Variants in CUEDC1 observed in about 807,000 individuals in gnomAD.
CUEDC1 encodes the protein CUE domain containing 1, also known as CUE domain-containing protein 1.
Under a neutral mutation model 43.7 loss-of-function variants are expected in CUEDC1, and 30 were observed. The ratio of observed to expected loss-of-function variants is 0.69; its 90% CI spans 0.51 to 0.93. CUEDC1 has a LOEUF of 0.93. CUEDC1 is among the 40% of genes least tolerant of loss of function. CUEDC1 has a pLI of 0.00. For synonymous variants in CUEDC1, 223 were observed against 223.6 expected (o/e 1.00, Z 0.02); for missense variants, 486 against 549.0 (o/e 0.89, Z 1.15).
intron 1 of CUEDC1, among the ~76,000 whole-genome samples, chr17:57,893,349 A>ATGTGTGTGTGTGTGTGTG (rs147335365): frequency 1.5e-3 from 221 of 148,350 alleles, no homozygotes; most frequent in African/African-American, 5.3e-3. Context: ...CTCTCAGGGT[A>ATGTGTGTGTGTGTGTGTG]TGTGTGTGTG....
chr17:57,937,622 A>AAT (rs2074874697), intron 1 of CUEDC1, among the ~76,000 whole-genome samples: 1 of 151,434 alleles, frequency 6.6e-6, no homozygotes, highest in African/African-American at 2.4e-5. Flanking sequence ...AAAAAAAAAA[A>AAT]CAGAAAAAGA....
chr17:57,938,295 T>C (rs539029764), intron 1 of CUEDC1, among the ~76,000 whole-genome samples: 4 of 152,240 alleles, frequency 2.6e-5, no homozygotes, highest in Admixed American at 2.0e-4. Flanking sequence ...CTCTGGTTTA[T>C]GATGTCATGG....
At chr17:57,933,078 C>T (rs1195699430) in intron 1 of CUEDC1, among the ~76,000 whole-genome samples, 1 of 152,110 alleles carries the variant, frequency 6.6e-6, no homozygotes, top group African/African-American at 2.4e-5. Context: ...ACTTGTGAAC[C>T]ACTGCACTAG....
chr17:57,878,033 G>C (rs900158592), intron 3 of CUEDC1, among the ~76,000 whole-genome samples: 3 of 151,934 alleles, frequency 2.0e-5, no homozygotes, highest in Non-Finnish European at 4.4e-5. Context: ...GCCAGCTCCT[G>C]GTACCACTCG....
chr17:57,954,241 G>A lies in CUEDC1; in HGVS notation c.-316+984C>T, dbSNP rs1296977205. 6.6e-6 allele frequency among the ~76,000 whole-genome samples: 1 copy of A among 152,186 alleles called. No homozygotes were observed. The highest frequency in any genetic ancestry group is 1.9e-4 in the East Asian group (1 of 5,192). On this transcript the variant is annotated intron_variant, in intron 1 of 10. Coordinates refer to ENST00000577830, the MANE Select transcript of CUEDC1 (RefSeq NM_001271875.2). The surrounding 1 kb of genome is among the most constrained non-coding windows in gnomAD (Gnocchi z 4.3). The stretch of plus-strand genomic sequence containing the variant: ...GCTACAAGACGCTGACTGCGGATCA[G>A]GTGGGGAGCACGGTGGATGGTCTTC...
chr17:57,866,256 A>C (rs554392355), intron 10 of CUEDC1, among the ~76,000 whole-genome samples: 3 of 152,228 alleles, frequency 2.0e-5, no homozygotes, highest in African/African-American at 7.2e-5. Flanking sequence ...AGGTGTGCTC[A>C]TCTTTTGTCA....
chr17:57,878,998 T>C (rs1269613991), intron 3 of CUEDC1, among the ~76,000 whole-genome samples: 2 of 151,974 alleles, frequency 1.3e-5, no homozygotes, highest in Non-Finnish European at 2.9e-5. Flanking sequence ...AATTACAGAG[T>C]CTCTAACCTG....
intron 1 of CUEDC1, among the ~76,000 whole-genome samples, chr17:57,926,586 A>C (rs2074749545): frequency 6.6e-6 from 1 of 152,194 alleles, no homozygotes; most frequent in Non-Finnish European, 1.5e-5. Flanking sequence ...TGAGGCCAAG[A>C]GTTCAAGACC....
At chr17:57,927,578 G>C (rs2074761012) in intron 1 of CUEDC1, among the ~76,000 whole-genome samples, 1 of 152,158 alleles carries the variant, frequency 6.6e-6, no homozygotes, top group South Asian at 2.1e-4. Flanking sequence ...TTACTGAATA[G>C]GAGCAGCTGG....
intron 1 of CUEDC1, among the ~76,000 whole-genome samples, chr17:57,940,551 A>G (rs2074908302): frequency 6.6e-6 from 1 of 152,268 alleles, no homozygotes; most frequent in African/African-American, 2.4e-5. Flanking sequence ...GCACTGCCTG[A>G]CCTACAAGAC....
chr17:57,886,620 C>G (rs2074293216), intron 1 of CUEDC1, among the ~76,000 whole-genome samples: 1 of 152,156 alleles, frequency 6.6e-6, no homozygotes, highest in Non-Finnish European at 1.5e-5. Context: ...AAGCACCAGC[C>G]CAAAAGAGAG....
At chr17:57,895,676 G>A (rs766965892) in intron 1 of CUEDC1, among the ~76,000 whole-genome samples, 3 of 152,156 alleles carry the variant, frequency 2.0e-5, no homozygotes, top group African/African-American at 7.2e-5. Context: ...AAACCTCAGC[G>A]GATTAAGGGG....
chr17:57,882,583 A>G (rs2586047), intron 2 of CUEDC1, among the ~76,000 whole-genome samples: 87,578 of 151,846 alleles, frequency 0.58, 25,856 homozygotes, highest in East Asian at 0.99. Context: ...GTTGACTCTC[A>G]AATAACAAGA....
At chr17:57,864,136 T>C (rs1362246142) in intron 10 of CUEDC1, among the ~76,000 whole-genome samples, 1 of 151,970 alleles carries the variant, frequency 6.6e-6, no homozygotes, top group East Asian at 1.9e-4. Flanking sequence ...AGAACAGGGC[T>C]GTGACCTAGG....
At chr17:57,897,874 G>A (rs1303284400) in intron 1 of CUEDC1, among the ~76,000 whole-genome samples, 8 of 152,244 alleles carry the variant, frequency 5.3e-5, no homozygotes, top group South Asian at 4.1e-4. Context: ...TTAGCTGGGC[G>A]TGGTGGCAGG....
intron 1 of CUEDC1, among the ~76,000 whole-genome samples, chr17:57,905,262 A>C (rs1166596897): frequency 6.8e-6 from 1 of 146,292 alleles, no homozygotes; most frequent in Admixed American, 6.7e-5. Flanking sequence ...ACACACACAC[A>C]CACACACACA....
intron 3 of CUEDC1, 72 bp from the exon 4 acceptor site, chr17:57,873,789 CAG>C: frequency 2.8e-6 from 4 of 1,426,562 alleles, no homozygotes; most frequent in Non-Finnish European, 3.7e-6. Context: ...CCCATCACAC[CAG>C]GTCCTCAGGC....
intron 1 of CUEDC1, among the ~76,000 whole-genome samples, chr17:57,889,813 T>C (rs2074336487): frequency 1.3e-5 from 2 of 152,072 alleles, no homozygotes; most frequent in African/African-American, 4.8e-5. Context: ...TAGAACCAGG[T>C]GGACTATAGA....
At chr17:57,881,866 A>T (rs2074209696) in intron 2 of CUEDC1, among the ~76,000 whole-genome samples, 1 of 152,172 alleles carries the variant, frequency 6.6e-6, no homozygotes, top group Non-Finnish European at 1.5e-5. Context: ...AGGACTTGGG[A>T]AACACAGAGA....
Sources: allele counts gnomAD v4.1 joint callset (sites outside exome capture counted in the v4.1 genomes callset), GRCh38; gene constraint gnomAD v4.1.1; non-coding constraint Gnocchi (gnomAD v3.1); transcripts MANE v1.5; gene names NCBI Gene and HGNC (gene_info 2026-07-23, HGNC 2026-07-21).